AIMP1: variants seen among roughly 807,000 people sequenced by gnomAD.
AIMP1 encodes aminoacyl tRNA synthase complex-interacting multifunctional protein 1.
AIMP1 carries 24 observed loss-of-function variants against 33.1 expected under a neutral mutation model. The observed-to-expected ratio is 0.73, with a 90% CI of 0.53 to 1.02. The LOEUF (loss-of-function observed/expected upper bound fraction) is 1.02. AIMP1 is among the 50% of genes least tolerant of loss of function. The pLI is 0.00. For missense variants in AIMP1, 367 were observed against 364.8 expected (o/e 1.01, Z -0.05); for synonymous variants, 120 against 121.5 (o/e 0.99, Z 0.08).
chr4:106,322,645 C>T (rs985389823), intron 1 of AIMP1, among the ~76,000 whole-genome samples: 1 of 152,128 alleles, frequency 6.6e-6, no homozygotes, highest in South Asian at 2.1e-4. Context: ...ACATTGGCAT[C>T]ATGAATAATA....
intron 6 of AIMP1, among the ~76,000 whole-genome samples, chr4:106,337,754 G>A (rs1769946369): frequency 2.0e-5 from 3 of 152,272 alleles, no homozygotes; most frequent in African/African-American, 7.2e-5. Context: ...GGAAAATGTG[G>A]AACAGTTTGG....
chr4:106,319,324 A>G (rs1405210963), intron 1 of AIMP1, among the ~76,000 whole-genome samples: 1 of 152,178 alleles, frequency 6.6e-6, no homozygotes, highest in Non-Finnish European at 1.5e-5. Context: ...CAGTAAACAA[A>G]AATGATAGTG....
chr4:106,340,200 G>T (rs1770043125), intron 6 of AIMP1, among the ~76,000 whole-genome samples: 1 of 151,942 alleles, frequency 6.6e-6, no homozygotes, highest in Non-Finnish European at 1.5e-5. Flanking sequence ...AGACATATTT[G>T]TAGAAATGAC....
intron 1 of AIMP1, among the ~76,000 whole-genome samples, chr4:106,321,782 G>A (rs1769264381): frequency 6.6e-6 from 1 of 152,218 alleles, no homozygotes; most frequent in African/African-American, 2.4e-5. Context: ...AAAAGAAAGA[G>A]AGATCAGATT....
At chr4:106,315,672 C>T (rs1017927970), upstream of AIMP1, 2 of 152,176 alleles carry the variant, frequency 1.3e-5, no homozygotes, top group African/African-American at 2.4e-5. Flanking sequence ...GATTCTCTAA[C>T]CTCCTTTAGC....
At chr4:106,345,110 T>C (rs1034289336) in intron 6 of AIMP1, among the ~76,000 whole-genome samples, 1 of 152,218 alleles carries the variant, frequency 6.6e-6, no homozygotes, top group African/African-American at 2.4e-5. Flanking sequence ...ATGAATGTTA[T>C]CTAGTTTATA....
chr4:106,323,708 T>C (rs757354586), intron 1 of AIMP1, among the ~76,000 whole-genome samples: 9 of 152,000 alleles, frequency 5.9e-5, no homozygotes, highest in African/African-American at 2.2e-4. Flanking sequence ...TAAGTAATGA[T>C]GAAATATACT....
At chr4:106,324,907 G>T in intron 1 of AIMP1, 78 bp from the exon 2 acceptor site, 2 of 1,195,694 alleles carry the variant, frequency 1.7e-6, no homozygotes, top group South Asian at 2.3e-5. Context: ...TTTCCTTTCA[G>T]ACTGCTTTTT....
chr4:106,347,910 C>T lies in AIMP1; in HGVS notation c.*218C>T. The T allele has an allele frequency of 2.6e-6, 1 of 386,646 alleles. No individual in the cohort carries two copies. 24.0% of individuals were successfully genotyped at this position (386,646 alleles called of 1,614,324 possible). On this transcript the variant is annotated 3_prime_UTR_variant, in exon 7 of 7. Coordinates refer to ENST00000672341, the MANE Select transcript of AIMP1 (RefSeq NM_001142416.2). ...ATTTATAATGGAGAGAGGAAGTTGC[C>T]TATGTTTTGTAATAATTTATTTTTT...
chr4:106,349,379 G>T lies in AIMP1; in HGVS notation c.*1687G>T, dbSNP rs1236010934. 6.6e-6 allele frequency among the ~76,000 whole-genome samples: 1 copy of T among 151,786 alleles called. No individual in the cohort carries two copies. Among genetic ancestry groups the T allele is most frequent in the Non-Finnish European group, 1.5e-5 (1 of 67,960 alleles). ...GATCAAATTATCTAATGTTTTGTTA[G>T]TGAAACCTAAACTGATGATTAAATC... On this transcript the variant is annotated 3_prime_UTR_variant, in exon 7 of 7. Transcript: ENST00000672341.
In AIMP1 at chr4:106,316,661, T is replaced by C; in HGVS notation, c.-26+67T>C. ...ATTGCGATCGTAGGGGTCTTCCTTC[T>C]CTAACTTGCCTCCAGGAGAGAGGAC... On this transcript the variant is annotated intron_variant, in intron 1 of 6. Transcript: ENST00000672341. The C allele has an allele frequency of 2.0e-6, 3 of 1,499,754 alleles. No homozygotes were observed. The South Asian group carries it at 3.7e-5, about 19-fold the overall frequency. The allele number at this position is 1,499,754 out of a possible 1,614,324, so 92.9% of individuals were successfully genotyped here. A position where few individuals can be genotyped will look rare whatever the true frequency, so the allele number is the denominator to read the frequency against.
At chr4:106,339,945 C>T (rs1770032254) in intron 6 of AIMP1, among the ~76,000 whole-genome samples, 1 of 152,100 alleles carries the variant, frequency 6.6e-6, no homozygotes, top group Non-Finnish European at 1.5e-5. Context: ...AATAAAAATA[C>T]TCCTGAGACA....
In AIMP1 at chr4:106,332,293, C is replaced by G. The variant is rs112634852; in HGVS notation, c.603+410C>G. On this transcript the variant is annotated intron_variant, in intron 5 of 6. Coordinates refer to ENST00000672341, the MANE Select transcript of AIMP1 (RefSeq NM_001142416.2). The stretch of plus-strand genomic sequence containing the variant: ...ATTACAAGTTCAATCTCCGTGATCC[C>G]CTCTCCTCATTTTTCCTCAAGTATG... Among the ~76,000 whole-genome samples the G allele has an allele frequency of 3.7e-3, 566 of 151,682 alleles. 4 individuals are homozygous for G. Among genetic ancestry groups the G allele is most frequent in the African/African-American group, 0.013 (540 of 41,392 alleles).
At chr4:106,346,769 G>A (rs1579649587) in intron 6 of AIMP1, among the ~76,000 whole-genome samples, 1 of 151,970 alleles carries the variant, frequency 6.6e-6, no homozygotes, top group Non-Finnish European at 1.5e-5. Flanking sequence ...ATAACATATC[G>A]AAATATATTT....
At chr4:106,333,975 C>A (rs1161818999) in intron 5 of AIMP1, among the ~76,000 whole-genome samples, 1 of 152,054 alleles carries the variant, frequency 6.6e-6, no homozygotes, top group African/African-American at 2.4e-5. Flanking sequence ...TGGAAAGAAT[C>A]GAAGACAGTA....
At chr4:106,317,396 T>G (rs1768989057) in intron 1 of AIMP1, among the ~76,000 whole-genome samples, 1 of 152,174 alleles carries the variant, frequency 6.6e-6, no homozygotes, top group African/African-American at 2.4e-5. Context: ...TAACTTTTAT[T>G]CTAAATGAAA....
In AIMP1 at chr4:106,339,683, G is replaced by A. The variant is rs766946663; in HGVS notation, c.772+2646G>A. 1.3e-3 allele frequency among the ~76,000 whole-genome samples: 200 copies of A among 152,324 alleles called. 1 individual carries two copies. Among genetic ancestry groups the A allele is most frequent in the Admixed American group, 2.8e-3 (43 of 15,298 alleles). ...CTAAAGCAATAATATTAATACCAGC[G>A]TAGCAGAAAAGTATGACGTGGATAG... On this transcript the variant is annotated intron_variant, in intron 6 of 6. Transcript: ENST00000672341.
At chr4:106,325,869 A>G (rs1442640024) in intron 2 of AIMP1, among the ~76,000 whole-genome samples, 2 of 152,122 alleles carry the variant, frequency 1.3e-5, no homozygotes, top group African/African-American at 4.8e-5. Flanking sequence ...TAAAATAGAG[A>G]AGAGAAATAA....
chr4:106,323,870 G>A (rs987907088), intron 1 of AIMP1, among the ~76,000 whole-genome samples: 20 of 151,934 alleles, frequency 1.3e-4, no homozygotes, highest in Non-Finnish European at 2.4e-4. Flanking sequence ...GAAAAGATAT[G>A]GCTCAAATCA....
Sources: gnomAD v4.1 joint callset for allele counts (sites outside exome capture counted in the v4.1 genomes callset) on GRCh38, gnomAD v4.1.1 for gene constraint, MANE v1.5 for transcripts, NCBI Gene and HGNC (gene_info 2026-07-23, HGNC 2026-07-21) for gene names.